Variants in LAMTOR4 observed in about 807,000 individuals in gnomAD.
LAMTOR4 encodes late endosomal/lysosomal adaptor, MAPK and MTOR activator 4, also known as ragulator complex protein LAMTOR4.
A neutral mutation model predicts 13.5 loss-of-function variants in LAMTOR4; 11 were observed. The ratio of observed to expected loss-of-function variants is 0.82; its 90% CI spans 0.51 to 1.35. The LOEUF (loss-of-function observed/expected upper bound fraction) is 1.35, where lower values mean the gene tolerates loss of function less well. Ranked by LOEUF, LAMTOR4 falls within the 40% of genes most tolerant of loss-of-function variation. LAMTOR4 has a pLI of 0.00. For synonymous variants in LAMTOR4, 69 were observed against 52.3 expected, an observed-to-expected ratio of 1.32 and a Z score of -1.38; for missense variants, 128 against 126.2, an observed-to-expected ratio of 1.01 and a Z score of -0.07.
chr7:100,153,889 G>A lies in LAMTOR4; in HGVS notation c.225G>A (p.Leu75=). The change falls in exon 4 of 4, where the codon CTG becomes CTA. Residue 75 remains leucine (L), a synonymous_variant. Transcript: ENST00000341942. ...CAGTGGTCTTTGGAGAACACACACT[G>A]CTGGTGACGGTGTCAGGACAGAGGG... The part of the protein sequence containing the change: ...RLSVVFGEHT[L]LVTVSGQRVF... 6.3e-7 allele frequency: 1 copy of A among 1,586,560 alleles called. No homozygotes were observed. The highest frequency in any genetic ancestry group is 8.6e-7 in the Non-Finnish European group (1 of 1,166,544).
intron 2 of LAMTOR4, among the ~76,000 whole-genome samples, chr7:100,151,160 C>T (rs574971240): frequency 3.3e-5 from 5 of 151,448 alleles, no homozygotes; most frequent in South Asian, 2.1e-4. Flanking sequence ...CTGCAACCTC[C>T]GTCTTCCGGG....
At position 100,154,101 on chromosome 7, in the gene LAMTOR4, G is replaced by GC; in HGVS notation, c.*140dup. The GC allele has an allele frequency of 4.4e-6, 3 of 688,290 alleles. No individual in the cohort carries two copies. The East Asian group carries it at 8.2e-5, about 19-fold the overall frequency. The allele number at this position is 688,290 out of a possible 1,614,324, so 42.6% of individuals were successfully genotyped here. ...CCACCTCCCACCCCTACCTGGACGG[G>GC]CCCAGGCTTGGGGACTCTGAGCTGT... On this transcript the variant is annotated 3_prime_UTR_variant, in exon 4 of 4. Transcript: ENST00000341942.
At position 100,153,735 on chromosome 7, in the gene LAMTOR4, G is replaced by T. The variant is rs1231321182; in HGVS notation, c.203-132G>T. 6.5e-6 allele frequency: 5 copies of T among 772,262 alleles called. No individual in the cohort carries two copies. In the African/African-American group the frequency reaches 8.6e-5, roughly 13 times the overall value. The allele number at this position is 772,262 out of a possible 1,614,324, so 47.8% of individuals were successfully genotyped here. On this transcript the variant is annotated intron_variant, in intron 3 of 3. Coordinates refer to ENST00000341942, the MANE Select transcript of LAMTOR4 (RefSeq NM_001008395.4). The stretch of plus-strand genomic sequence containing the variant: ...ACTCATCTTCAAATCTCTGAGCCTG[G>T]AACTATAGAACTTCTTTGGCTTTGA...
At chr7:100,150,642 G>C (rs1798670028) in intron 2 of LAMTOR4, among the ~76,000 whole-genome samples, 1 of 152,168 alleles carries the variant, frequency 6.6e-6, no homozygotes, top group African/African-American at 2.4e-5. Flanking sequence ...AGGTGGTTGA[G>C]CAATATTGTT....
intron 2 of LAMTOR4, among the ~76,000 whole-genome samples, chr7:100,153,138 C>T (rs370482088): frequency 2.0e-5 from 3 of 149,462 alleles, no homozygotes; most frequent in East Asian, 3.9e-4. Context: ...AACGAGATTC[C>T]GTCTCAAAAA....
rs1458007333 is a variant in LAMTOR4, at chr7:100,153,509, G to A, written c.194G>A (p.Arg65His). 4 of 1,606,646 alleles carry A rather than the reference G, an allele frequency of 2.5e-6. No individual in the cohort carries two copies. Among genetic ancestry groups the A allele is most frequent in the East Asian group, 2.2e-5 (1 of 44,878 alleles). ...LHRGMNVPFK[R>H]LSVVFGEHTL... is the part of the protein sequence containing the mutation. ...CGCGGCATGAATGTGCCCTTCAAGC[G>A]CCTGTCTGGTGAGCCCCTGCCCCTG... Residue 65 changes from arginine to histidine, a missense_variant, in exon 3 of 4, where the codon CGC becomes CAC. Arg to His is a conservative substitution (Grantham distance 29). Transcript: ENST00000341942.
rs201730556 is a variant in LAMTOR4 at position 100,153,558 on chromosome 7, G to A, written c.202+41G>A. ...TGCCCTTGGTGGTGGTACTGGGAGC[G>A]GGGGGCTACTTCCAGGGGCTTCTCG... On this transcript the variant is annotated intron_variant, in intron 3 of 3. Coordinates refer to ENST00000341942, the MANE Select transcript of LAMTOR4 (RefSeq NM_001008395.4). The A allele has an allele frequency of 1.3e-3, 2,066 of 1,530,742 alleles. 3 individuals carry two copies. The highest frequency in any genetic ancestry group is 1.6e-3 in the Non-Finnish European group (1,801 of 1,114,454). 94.8% of individuals were successfully genotyped at this position (1,530,742 alleles called of 1,614,324 possible).
Position 100,153,462 on chromosome 7 carries a change from A to C in LAMTOR4, c.147A>C (p.Thr49=). ...AASAISELVS[T]ACGFRLHRGM... Reference sequence around the variant, plus strand: ...GTGCCATCTCTGAGCTGGTCAGCACAGCCTGCGGTTTCCGGCTGCACCGCG... The same window carrying C: ...GTGCCATCTCTGAGCTGGTCAGCACCGCCTGCGGTTTCCGGCTGCACCGCG... The change falls in exon 3 of 4, where the codon ACA becomes ACC. Residue 49 remains threonine (T), a synonymous_variant. Coordinates refer to ENST00000341942, the MANE Select transcript of LAMTOR4 (RefSeq NM_001008395.4). 6.2e-7 allele frequency: 1 copy of C among 1,610,664 alleles called. No individual in the cohort carries two copies. The highest frequency in any genetic ancestry group is 1.6e-4 in the Middle Eastern group (1 of 6,062).
In LAMTOR4 at chr7:100,153,945, G is replaced by A. The variant is rs747939126; in HGVS notation, c.281G>A (p.Arg94Gln). 8 of 1,589,764 alleles carry A rather than the reference G, an allele frequency of 5.0e-6. No homozygotes were observed. The highest frequency in any genetic ancestry group is 2.3e-5 in the East Asian group (1 of 44,128). ...VFVVKRQNRG[R>Q]EPIDV ...GTGGTGAAGAGGCAGAACCGAGGTC[G>A]GGAGCCCATTGATGTCTGAGCCTGC... The change falls in exon 4 of 4, where the codon CGG becomes CAG. Residue 94 changes from arginine (R) to glutamine (Q), a missense_variant. Arg to Gln is a conservative substitution (Grantham distance 43). Transcript: ENST00000341942.
At chr7:100,152,489 C>T (rs144641583) in intron 2 of LAMTOR4, among the ~76,000 whole-genome samples, 49 of 152,206 alleles carry the variant, frequency 3.2e-4, no homozygotes, top group African/African-American at 1.1e-3. Flanking sequence ...GATGGCCCAA[C>T]TTTAGACATT....
intron 2 of LAMTOR4, among the ~76,000 whole-genome samples, chr7:100,151,989 C>T (rs1026085997): frequency 2.0e-5 from 3 of 152,180 alleles, no homozygotes; most frequent in Non-Finnish European, 2.9e-5. Flanking sequence ...CAGGCATGAG[C>T]TCCTGTGCTT....
In LAMTOR4 at chr7:100,153,516, T is replaced by TGGTGAGCCCCTGCCCCTGCCC; in HGVS notation, c.202_202+20dup. ...TGAATGTGCCCTTCAAGCGCCTGTC[T>TGGTGAGCCCCTGCCCCTGCCC]GGTGAGCCCCTGCCCCTGCCCTTGG... On this transcript the variant is annotated inframe_insertion and splice_region_variant, in exon 3 of 4. Transcript: ENST00000341942. 6.2e-7 allele frequency: 1 copy of TGGTGAGCCCCTGCCCCTGCCC among 1,605,952 alleles called. No homozygotes were observed. The highest frequency in any genetic ancestry group is 8.5e-7 in the Non-Finnish European group (1 of 1,179,704).
intron 2 of LAMTOR4, among the ~76,000 whole-genome samples, chr7:100,151,013 T>A (rs535383077): frequency 1.2e-3 from 177 of 150,252 alleles, no homozygotes; most frequent in Middle Eastern, 0.011. Flanking sequence ...AAAAAAGAGA[T>A]GAGACTGGGC....
In LAMTOR4 at chr7:100,153,900, T is replaced by C; in HGVS notation, c.236T>C (p.Val79Ala). The C allele has an allele frequency of 1.3e-6, 2 of 1,592,546 alleles. No individual in the cohort carries two copies. The highest frequency in any genetic ancestry group is 8.5e-7 in the Non-Finnish European group (1 of 1,169,982). The part of the protein sequence containing the change: ...VFGEHTLLVT[V>A]SGQRVFVVKR... ...GGAGAACACACACTGCTGGTGACGG[T>C]GTCAGGACAGAGGGTGTTTGTGGTG... Residue 79 changes from valine to alanine, a missense_variant, in exon 4 of 4, where the codon GTG becomes GCG. Coordinates refer to ENST00000341942, the MANE Select transcript of LAMTOR4 (RefSeq NM_001008395.4).
At chr7:100,149,405 A>G (rs993343759) in intron 1 of LAMTOR4, 94 bp from the exon 2 acceptor site, 2 of 864,412 alleles carry the variant, frequency 2.3e-6, no homozygotes, top group Non-Finnish European at 4.0e-6. Flanking sequence ...ACCTGGGGCC[A>G]TCGTCAACCC....
intron 2 of LAMTOR4, among the ~76,000 whole-genome samples, chr7:100,150,983 C>T (rs1798680343): frequency 1.4e-5 from 2 of 145,454 alleles, no homozygotes; most frequent in African/African-American, 2.5e-5. Flanking sequence ...AGCAAGACTC[C>T]GTCTCAAAAA....
intron 3 of LAMTOR4, 47 bp from the exon 4 acceptor site, chr7:100,153,820 G>C: frequency 7.3e-7 from 1 of 1,364,924 alleles, no homozygotes; most frequent in Non-Finnish European, 1.0e-6. Flanking sequence ...CTAACTCTGT[G>C]CTCCCTTCCC....
In LAMTOR4 at chr7:100,154,199, C is replaced by A. The variant is rs1798817457; in HGVS notation, c.*235C>A. ...CCCTAATAAACATGAGTCTGATGTTCTCCAGCCCAGGGACATGTGTGTTTA... is the reference window on the plus strand; with the variant it reads ...CCCTAATAAACATGAGTCTGATGTTATCCAGCCCAGGGACATGTGTGTTTA... On this transcript the variant is annotated 3_prime_UTR_variant, in exon 4 of 4. Coordinates refer to ENST00000341942, the MANE Select transcript of LAMTOR4 (RefSeq NM_001008395.4). 2 of 510,210 alleles carry A rather than the reference C, an allele frequency of 3.9e-6. No homozygotes were observed. The highest frequency in any genetic ancestry group is 1.9e-5 in the African/African-American group (1 of 51,870). The allele number at this position is 510,210 out of a possible 1,614,324, so 31.6% of individuals were successfully genotyped here.
intron 3 of LAMTOR4, 98 bp downstream of exon 3, chr7:100,153,615 T>C: frequency 9.2e-7 from 1 of 1,086,210 alleles, no homozygotes; most frequent in Non-Finnish European, 1.4e-6. Flanking sequence ...TACCATCTCC[T>C]GGGGTCTCTG....
Sources: allele counts gnomAD v4.1 joint callset (sites outside exome capture counted in the v4.1 genomes callset), GRCh38; gene constraint gnomAD v4.1.1; transcripts MANE v1.5; gene names NCBI Gene and HGNC (gene_info 2026-07-23, HGNC 2026-07-21).